The following IL18 variants were observed in gnomAD, a reference collection of about 807,000 sequenced individuals.
IL18 encodes the protein interleukin-18.
Under a neutral mutation model 14.2 loss-of-function variants are expected in IL18, and 8 were observed. That is an observed-to-expected ratio of 0.56 (90% CI 0.33 to 1.01). The LOEUF (loss-of-function observed/expected upper bound fraction) is 1.01. Ranked by LOEUF, IL18 falls within the 50% of genes least tolerant of loss-of-function variation. IL18 has a pLI of 0.03. For synonymous variants in IL18, 67 were observed against 71.0 expected (o/e 0.94, Z 0.28); for missense variants, 166 against 231.1 (o/e 0.72, Z 1.83).
In IL18 at chr11:112,148,614, T is replaced by C; in HGVS notation, c.349A>G (p.Ile117Val). 6.7e-7 allele frequency: 1 copy of C among 1,497,020 alleles called. No individual in the cohort carries two copies. The highest frequency in any genetic ancestry group is 1.3e-5 in the South Asian group (1 of 76,648). The allele number at this position is 1,497,020 out of a possible 1,614,324, so 92.7% of individuals were successfully genotyped here. A position where few individuals can be genotyped will look rare whatever the true frequency, so the allele number is the denominator to read the frequency against. ...ISTLSCENKIISFKEMNPPDN... is the reference protein window; with the variant it reads ...ISTLSCENKIVSFKEMNPPDN... ...AGGCTCAGTCTTACCTTAAAGGAAA[T>C]AATTTTGTTCTCACAGGAGAGAGTT... Residue 117 changes from isoleucine (I) to valine (V), a missense_variant, in exon 5 of 6, where the codon ATT (isoleucine) becomes GTT (valine). Transcript: ENST00000280357.
intron 1 of IL18, among the ~76,000 whole-genome samples, chr11:112,158,181 G>C (rs938965626): frequency 3.4e-4 from 51 of 152,182 alleles, no homozygotes; most frequent in African/African-American, 1.0e-3. Flanking sequence ...AGGGGGGCGG[G>C]TTTCTCCATG....
intron 4 of IL18, among the ~76,000 whole-genome samples, chr11:112,149,163 A>C (rs1866391782): frequency 6.6e-6 from 1 of 152,046 alleles, no homozygotes; most frequent in Admixed American, 6.6e-5. Context: ...TAAGTGGTGC[A>C]TGCCTGTAAT....
At position 112,143,570 on chromosome 11, in the gene IL18, C is replaced by A. The variant is rs1866282838; in HGVS notation, c.*26G>T. On this transcript the variant is annotated 3_prime_UTR_variant, in exon 6 of 6. Coordinates refer to ENST00000280357, the MANE Select transcript of IL18 (RefSeq NM_001562.4). Reference sequence around the variant, plus strand: ...GGGCTGGGATTACAGGCGTGAGCCACTGCGCCCGGCATGAAATTTTAATAG... The same window carrying A: ...GGGCTGGGATTACAGGCGTGAGCCAATGCGCCCGGCATGAAATTTTAATAG... 1 of 1,522,698 alleles carries A rather than the reference C, an allele frequency of 6.6e-7. No homozygotes were observed. The highest frequency in any genetic ancestry group is 1.8e-5 in the Admixed American group (1 of 55,000). 94.3% of individuals were successfully genotyped at this position (1,522,698 alleles called of 1,614,324 possible). A position where few individuals can be genotyped will look rare whatever the true frequency, so the allele number is the denominator to read the frequency against.
At chr11:112,161,480 A>G (rs1244828679) in intron 1 of IL18, among the ~76,000 whole-genome samples, 1 of 152,184 alleles carries the variant, frequency 6.6e-6, no homozygotes, top group Non-Finnish European at 1.5e-5. Context: ...TACAACCAGC[A>G]TTGTTAAGCC....
At chr11:112,146,866 T>C (rs1418607781) in intron 5 of IL18, among the ~76,000 whole-genome samples, 1 of 145,238 alleles carries the variant, frequency 6.9e-6, no homozygotes, top group Non-Finnish European at 1.5e-5. Flanking sequence ...CCCCCCGCCC[T>C]TTTTAAAATT....
chr11:112,145,678 G>T lies in IL18; in HGVS notation c.361-1861C>A, dbSNP rs143275235. 5.2e-3 allele frequency among the ~76,000 whole-genome samples: 785 copies of T among 152,168 alleles called. 6 individuals carry two copies. Among genetic ancestry groups the T allele is most frequent in the African/African-American group, 0.016 (677 of 41,542 alleles). ...GGCGTGAACCCGGGAGGCAGAGCTT[G>T]CAGTGAGCTGAGATCGTGCCACTGC... On this transcript the variant is annotated intron_variant, in intron 5 of 5. Transcript: ENST00000280357.
intron 5 of IL18, among the ~76,000 whole-genome samples, chr11:112,146,029 CTTTCT>C (rs1055374070): frequency 2.1e-5 from 2 of 97,458 alleles, no homozygotes; most frequent in African/African-American, 8.0e-5. Flanking sequence ...AAAGGGATTT[CTTTCT>C]TTTTTTTTTT....
At chr11:112,155,115 C>T in intron 1 of IL18, 54 bp from the exon 2 acceptor site, 1 of 999,598 alleles carries the variant, frequency 1.0e-6, no homozygotes, top group East Asian at 2.4e-5. Context: ...CCTTTTACTA[C>T]TACTTTATAC....
At chr11:112,145,653 G>A (rs1157484595) in intron 5 of IL18, among the ~76,000 whole-genome samples, 1 of 152,032 alleles carries the variant, frequency 6.6e-6, no homozygotes, top group Admixed American at 6.6e-5. Flanking sequence ...GCAGGAGAAT[G>A]GCGTGAACCC....
intron 1 of IL18, among the ~76,000 whole-genome samples, chr11:112,158,520 A>ATTTTTTTTTTTTT (rs1249572247): frequency 1.5e-4 from 3 of 20,582 alleles, no homozygotes; most frequent in Admixed American, 9.3e-4. Context: ...ATTTATTTGG[A>ATTTTTTTTTTTTT]GTTTTTTTTT....
chr11:112,160,169 C>A (rs1866604521), intron 1 of IL18, among the ~76,000 whole-genome samples: 3 of 152,102 alleles, frequency 2.0e-5, no homozygotes, highest in African/African-American at 7.2e-5. Context: ...CCATCTCCAA[C>A]AGCACTGTTT....
intron 2 of IL18, among the ~76,000 whole-genome samples, chr11:112,154,597 C>T (rs930029091): frequency 3.9e-5 from 6 of 152,090 alleles, no homozygotes; most frequent in African/African-American, 9.7e-5. Flanking sequence ...TAGAGAATCT[C>T]TTACATAATT....
At position 112,143,797 on chromosome 11, in the gene IL18, G is replaced by T; in HGVS notation, c.381C>A (p.Asn127Lys). The T allele has an allele frequency of 6.3e-7, 1 of 1,596,658 alleles. No homozygotes were observed. Among genetic ancestry groups the T allele is most frequent in the Non-Finnish European group, 8.6e-7 (1 of 1,166,528 alleles). ...ISFKEMNPPD[N>K]IKDTKSDIIF... The stretch of plus-strand genomic sequence containing the variant: ...TGATGTCACTTTTTGTATCCTTGAT[G>T]TTATCAGGAGGATTCATTTCCTATA... Residue 127 changes from asparagine (N) to lysine (K), a missense_variant, in exon 6 of 6, where the codon AAC becomes AAA. Transcript: ENST00000280357.
chr11:112,155,303 T>C (rs1255197933), intron 1 of IL18, among the ~76,000 whole-genome samples: 1 of 152,342 alleles, frequency 6.6e-6, no homozygotes, highest in African/African-American at 2.4e-5. Context: ...AAAGGGTAGA[T>C]AAATGGCCTA....
intron 1 of IL18, 156 bp from the exon 2 acceptor site, chr11:112,155,217 C>A (rs187616393): frequency 4.7e-5 from 25 of 529,094 alleles, no homozygotes; most frequent in African/African-American, 4.5e-4. Flanking sequence ...CTTATGAATA[C>A]CCATGTTTAA....
intron 1 of IL18, among the ~76,000 whole-genome samples, chr11:112,163,418 A>G (rs1866667364): frequency 6.6e-6 from 1 of 152,178 alleles, no homozygotes; most frequent in Non-Finnish European, 1.5e-5. Context: ...CTAAGACGTA[A>G]TTTGTCTTTT....
chr11:112,156,565 G>A (rs1866535936), intron 1 of IL18, among the ~76,000 whole-genome samples: 1 of 151,706 alleles, frequency 6.6e-6, no homozygotes, highest in Non-Finnish European at 1.5e-5. Context: ...TCTTAGCCTG[G>A]GACTCCCATC....
intron 1 of IL18, among the ~76,000 whole-genome samples, chr11:112,161,468 T>C (rs779242074): frequency 6.6e-6 from 1 of 152,294 alleles, no homozygotes; most frequent in Non-Finnish European, 1.5e-5. Context: ...GCATATTTAT[T>C]ATACAACCAG....
chr11:112,144,152 T>A (rs1431927167), intron 5 of IL18, among the ~76,000 whole-genome samples: 1 of 152,208 alleles, frequency 6.6e-6, no homozygotes, highest in African/African-American at 2.4e-5. Flanking sequence ...TGGGCTAATG[T>A]CAATTTCTGT....
Sources: allele counts gnomAD v4.1 joint callset (sites outside exome capture counted in the v4.1 genomes callset), GRCh38; gene constraint gnomAD v4.1.1; transcripts MANE v1.5; gene names NCBI Gene and HGNC (gene_info 2026-07-23, HGNC 2026-07-21).